GPC6: variants seen among roughly 807,000 people sequenced by gnomAD.
GPC6 encodes the protein glypican 6.
In GPC6, 14 loss-of-function variants were observed where a neutral mutation model predicts 55.2. The observed-to-expected ratio is 0.25, with a 90% CI of 0.17 to 0.40. The LOEUF is 0.40. Ranked by LOEUF, GPC6 falls within the 10% of genes least tolerant of loss-of-function variation. GPC6 has a pLI of 1.00. For synonymous variants in GPC6, 278 were observed against 259.6 expected (o/e 1.07, Z -0.68); for missense variants, 641 against 708.5 (o/e 0.90, Z 1.08).
intron 2 of GPC6, among the ~76,000 whole-genome samples, chr13:93,732,485 T>C (rs1328294455): frequency 6.6e-6 from 1 of 152,196 alleles, no homozygotes; most frequent in African/African-American, 2.4e-5. Context: ...ATTAAAAAGA[T>C]TGCTGTGTGT....
At chr13:94,054,259 G>A (rs948065111) in intron 4 of GPC6, among the ~76,000 whole-genome samples, 1 of 152,200 alleles carries the variant, frequency 6.6e-6, no homozygotes, top group Non-Finnish European at 1.5e-5. Context: ...AGCCCAGGTG[G>A]TTGTGGTTAG....
chr13:93,804,247 T>C (rs1194980789), intron 2 of GPC6, among the ~76,000 whole-genome samples: 3 of 152,120 alleles, frequency 2.0e-5, no homozygotes, highest in Non-Finnish European at 2.9e-5. Context: ...AAATGCTAAG[T>C]TTAATAATTC....
intron 6 of GPC6, among the ~76,000 whole-genome samples, chr13:94,323,774 A>AC (rs1242080285): frequency 6.6e-6 from 1 of 152,232 alleles, no homozygotes; most frequent in Non-Finnish European, 1.5e-5. Flanking sequence ...TTAAGTACAA[A>AC]GATTTAAATT....
chr13:93,227,201 A>T lies in GPC6; in HGVS notation c.-256A>T. On this transcript the variant is annotated 5_prime_UTR_variant, in exon 1 of 9. Transcript: ENST00000377047. This position sits in a 1 kb window ranked among gnomAD's most constrained non-coding sequence, Gnocchi z 4.3. The stretch of plus-strand genomic sequence containing the variant: ...TCCTCGTTTTGATTGCACCGTTTCC[A>T]TCTGGGGGCTAGAGGAGCAAGGCAG... 2.4e-6 allele frequency: 1 copy of T among 408,436 alleles called. No homozygotes were observed. The highest frequency in any genetic ancestry group is 4.4e-6 in the Non-Finnish European group (1 of 228,182). 25.3% of individuals were successfully genotyped at this position (408,436 alleles called of 1,614,324 possible). A position where few individuals can be genotyped will look rare whatever the true frequency, so the allele number is the denominator to read the frequency against.
chr13:93,674,038 A>G (rs527987784), intron 2 of GPC6, among the ~76,000 whole-genome samples: 1 of 152,088 alleles, frequency 6.6e-6, no homozygotes, highest in Non-Finnish European at 1.5e-5. Context: ...ATTAGCAGAC[A>G]GCCACTGGCA....
intron 2 of GPC6, among the ~76,000 whole-genome samples, chr13:93,739,654 C>T (rs1419322011): frequency 2.6e-5 from 4 of 152,206 alleles, no homozygotes; most frequent in African/African-American, 9.6e-5. Flanking sequence ...TGGTCTCGAT[C>T]TCCTGACCTC....
intron 3 of GPC6, among the ~76,000 whole-genome samples, chr13:93,861,494 C>T (rs1309347208): frequency 6.6e-6 from 1 of 151,410 alleles, no homozygotes; most frequent in African/African-American, 2.4e-5. Flanking sequence ...GAGAAGACAG[C>T]CACTGAATGT....
chr13:93,829,665 A>G (rs549490172), intron 2 of GPC6, among the ~76,000 whole-genome samples: 1 of 152,356 alleles, frequency 6.6e-6, no homozygotes, highest in South Asian at 2.1e-4. Context: ...AACTAGAAAG[A>G]GTCTAAAATA....
chr13:93,303,196 G>T (rs77866401), intron 1 of GPC6, among the ~76,000 whole-genome samples: 1 of 152,220 alleles, frequency 6.6e-6, no homozygotes, highest in South Asian at 2.1e-4. Flanking sequence ...CCTGATTCAT[G>T]AATTGTTTGT....
chr13:94,317,057 A>G (rs1359029523), intron 6 of GPC6, among the ~76,000 whole-genome samples: 2 of 152,230 alleles, frequency 1.3e-5, no homozygotes, highest in African/African-American at 4.8e-5. Flanking sequence ...AACACTTTTT[A>G]CAGGTTAATC....
At chr13:94,214,056 T>C (rs915666777) in intron 4 of GPC6, among the ~76,000 whole-genome samples, 1 of 152,248 alleles carries the variant, frequency 6.6e-6, no homozygotes, top group Admixed American at 6.5e-5. Context: ...GCCAAAAATA[T>C]TGTCAGTCTC....
chr13:94,281,720 C>A (rs1490875132), intron 4 of GPC6, among the ~76,000 whole-genome samples: 1 of 152,194 alleles, frequency 6.6e-6, no homozygotes, highest in African/African-American at 2.4e-5. Flanking sequence ...CAAGAGACTT[C>A]ACTCTTCATA....
At chr13:93,775,055 T>C (rs1885422854) in intron 2 of GPC6, among the ~76,000 whole-genome samples, 1 of 152,194 alleles carries the variant, frequency 6.6e-6, no homozygotes, top group African/African-American at 2.4e-5. Context: ...AAGTGCTGCA[T>C]ATATAATAGA....
At chr13:93,444,564 G>A (rs1350431358) in intron 1 of GPC6, among the ~76,000 whole-genome samples, 2 of 152,102 alleles carry the variant, frequency 1.3e-5, no homozygotes, top group African/African-American at 2.4e-5. Flanking sequence ...CTGAGATCGC[G>A]CCACTGCACT....
At chr13:94,317,384 C>G (rs1008299345) in intron 6 of GPC6, among the ~76,000 whole-genome samples, 1 of 152,184 alleles carries the variant, frequency 6.6e-6, no homozygotes, top group African/African-American at 2.4e-5. Context: ...TTCTTTGCAG[C>G]TCCTTGAATG....
intron 1 of GPC6, among the ~76,000 whole-genome samples, chr13:93,484,753 T>C (rs9556300): frequency 6.6e-6 from 1 of 152,280 alleles, no homozygotes; most frequent in East Asian, 1.9e-4. Context: ...CAGATAATTA[T>C]AGCTTAGTAA....
chr13:93,694,241 A>G (rs1379356749), intron 2 of GPC6, among the ~76,000 whole-genome samples: 2 of 152,144 alleles, frequency 1.3e-5, no homozygotes, highest in East Asian at 1.9e-4. Context: ...CTTTATGTGC[A>G]TAGACAGGGC....
At chr13:94,115,500 T>C (rs1886404263) in intron 4 of GPC6, among the ~76,000 whole-genome samples, 1 of 152,164 alleles carries the variant, frequency 6.6e-6, no homozygotes, top group African/African-American at 2.4e-5. Context: ...TCTGGGCTAG[T>C]CTTTCATTTT....
At chr13:94,397,739 G>A (rs1160829786) in intron 7 of GPC6, among the ~76,000 whole-genome samples, 1 of 152,178 alleles carries the variant, frequency 6.6e-6, no homozygotes, top group East Asian at 1.9e-4. Flanking sequence ...ACTGAGGAAG[G>A]CATTGAATCC....
Sources: gnomAD v4.1 joint callset for allele counts (sites outside exome capture counted in the v4.1 genomes callset) on GRCh38, gnomAD v4.1.1 for gene constraint, Gnocchi (gnomAD v3.1) non-coding constraint, MANE v1.5 for transcripts, NCBI Gene and HGNC (gene_info 2026-07-23, HGNC 2026-07-21) for gene names.